Variants in SPATA6 observed in about 807,000 individuals in gnomAD.
SPATA6 encodes spermatogenesis-associated protein 6.
A neutral mutation model predicts 65.3 loss-of-function variants in SPATA6; 56 were observed. That is an observed-to-expected ratio of 0.86 (90% CI 0.69 to 1.07). The LOEUF is 1.07. SPATA6 is among the 50% of genes least tolerant of loss of function. The pLI, the probability that SPATA6 is intolerant of heterozygous loss-of-function variation, is 0.00. For missense variants in SPATA6, 590 were observed against 594.8 expected (o/e 0.99, Z 0.08); for synonymous variants, 199 against 213.2 (o/e 0.93, Z 0.58).
intron 8 of SPATA6, chr1:48,393,446 T>C (rs146627119): frequency 1.3e-5 from 2 of 152,244 alleles, no homozygotes; most frequent in African/African-American, 2.4e-5. Context: ...AACTAATCCA[T>C]ATTAAAGAAA....
intron 9 of SPATA6, among the ~76,000 whole-genome samples, chr1:48,370,740 A>AAG (rs1647215024): frequency 6.6e-6 from 1 of 152,184 alleles, no homozygotes. Context: ...AAGAAAATAA[A>AAG]AGCAAAATCA....
chr1:48,404,202 C>T (rs1459635224), intron 5 of SPATA6, among the ~76,000 whole-genome samples: 1 of 151,900 alleles, frequency 6.6e-6, no homozygotes, highest in Non-Finnish European at 1.5e-5. Context: ...AATATATAAA[C>T]ATACTTAATA....
At chr1:48,333,328 T>TG in intron 11 of SPATA6, among the ~76,000 whole-genome samples, 1 of 152,134 alleles carries the variant, frequency 6.6e-6, no homozygotes, top group East Asian at 1.9e-4. Flanking sequence ...TATACACCAG[T>TG]GGTTTGTCAT....
At chr1:48,369,763 C>T (rs879533574) in intron 9 of SPATA6, among the ~76,000 whole-genome samples, 8 of 152,224 alleles carry the variant, frequency 5.3e-5, no homozygotes, top group Non-Finnish European at 1.2e-4. Flanking sequence ...CTTTGGCTTG[C>T]GCATGGTGCA....
At chr1:48,280,431 G>C in the SPATA6 span, among the ~76,000 whole-genome samples, 1 of 152,062 alleles carries the variant, frequency 6.6e-6, no homozygotes, top group South Asian at 2.1e-4. Context: ...TAGATAGACT[G>C]CTAGCAAGAC....
intron 9 of SPATA6, among the ~76,000 whole-genome samples, chr1:48,362,728 C>T (rs188232665): frequency 5.1e-4 from 77 of 151,750 alleles, no homozygotes; most frequent in African/African-American, 1.8e-3. Context: ...GAGGTAGAAT[C>T]GAAATCAAAG....
intron 11 of SPATA6, among the ~76,000 whole-genome samples, chr1:48,338,084 T>G (rs909729264): frequency 6.6e-6 from 1 of 151,866 alleles, no homozygotes; most frequent in Admixed American, 6.6e-5. Context: ...CTATAGTAAA[T>G]TGAAAAACTA....
intron 5 of SPATA6, among the ~76,000 whole-genome samples, chr1:48,410,709 T>A (rs781713180): frequency 2.1e-4 from 32 of 152,134 alleles, no homozygotes; most frequent in Non-Finnish European, 3.2e-4. Context: ...AGAGAAAATG[T>A]GTGTGCAGCA....
intron 11 of SPATA6, chr1:48,325,759 C>A: frequency 2.1e-6 from 1 of 484,604 alleles, no homozygotes; most frequent in Non-Finnish European, 4.0e-6. Flanking sequence ...AGGTGTATGC[C>A]CCTGTGGATG....
chr1:48,280,552 C>A, the SPATA6 span, among the ~76,000 whole-genome samples: 1 of 152,166 alleles, frequency 6.6e-6, no homozygotes, highest in Non-Finnish European at 1.5e-5. Flanking sequence ...ATACTACAAA[C>A]ACCTCTACAC....
chr1:48,281,704 A>G, the SPATA6 span, among the ~76,000 whole-genome samples: 5 of 152,084 alleles, frequency 3.3e-5, no homozygotes, highest in Admixed American at 1.3e-4. Flanking sequence ...CAAATGGAAG[A>G]ACATTCCATG....
intron 3 of SPATA6, among the ~76,000 whole-genome samples, chr1:48,416,076 A>AC (rs1652754602): frequency 6.6e-6 from 1 of 151,946 alleles, no homozygotes; most frequent in Middle Eastern, 3.2e-3. Flanking sequence ...GGTGGCACGC[A>AC]CCTCTAGTCC....
chr1:48,368,775 G>A (rs565125687), intron 9 of SPATA6, among the ~76,000 whole-genome samples: 2 of 152,210 alleles, frequency 1.3e-5, no homozygotes, highest in East Asian at 1.9e-4. Context: ...TTGATCGTCC[G>A]AAGACTTCTT....
At chr1:48,376,880 A>T (rs1647978506) in intron 9 of SPATA6, among the ~76,000 whole-genome samples, 1 of 152,192 alleles carries the variant, frequency 6.6e-6, no homozygotes, top group African/African-American at 2.4e-5. Context: ...AATGATAAGG[A>T]TTTGTATATC....
intron 11 of SPATA6, among the ~76,000 whole-genome samples, chr1:48,315,949 G>T (rs1273699037): frequency 6.6e-6 from 1 of 152,132 alleles, no homozygotes; most frequent in Non-Finnish European, 1.5e-5. Context: ...GCTTCAAAGA[G>T]AATAAAATAC....
chr1:48,293,909 G>T (rs902978482), downstream of SPATA6, among the ~76,000 whole-genome samples: 1 of 152,124 alleles, frequency 6.6e-6, no homozygotes, highest in Non-Finnish European at 1.5e-5. Context: ...GGAATATTTT[G>T]CGAATGGGTG....
rs771542443 is a variant in SPATA6 at position 48,472,002 on chromosome 1, T to TCCGTGAAGGTGCGGGGTGGGG, written c.6_7insCCCCACCCCGCACCTTCACGG (p.Pro2_Lys3insProHisProAlaProSerArg). 23 of 1,570,550 alleles carry TCCGTGAAGGTGCGGGGTGGGG rather than the reference T, an allele frequency of 1.5e-5. No homozygotes were observed. The East Asian group carries it at 5.6e-4, about 38-fold the overall frequency. On this transcript the variant is annotated inframe_insertion, in exon 1 of 13. Coordinates refer to ENST00000371847, the MANE Select transcript of SPATA6 (RefSeq NM_019073.4). The stretch of plus-strand genomic sequence containing the variant: ...AGGGCGCACTGCAGCGCCTTCACCT[T>TCCGTGAAGGTGCGGGGTGGGG]CGGCATCCGTGCGGGGAGGGGCGGC...
At chr1:48,270,157 C>T in the SPATA6 span, among the ~76,000 whole-genome samples, 1 of 152,052 alleles carries the variant, frequency 6.6e-6, no homozygotes, top group African/African-American at 2.4e-5. Flanking sequence ...GAAGTGCATC[C>T]TAAGTCTTTA....
chr1:48,360,567 T>A (rs1646783434), intron 9 of SPATA6, among the ~76,000 whole-genome samples: 1 of 152,114 alleles, frequency 6.6e-6, no homozygotes, highest in South Asian at 2.1e-4. Context: ...ACATGCTTGA[T>A]ATTAGCAAGG....
Sources: allele counts gnomAD v4.1 joint callset (sites outside exome capture counted in the v4.1 genomes callset), GRCh38; gene constraint gnomAD v4.1.1; transcripts MANE v1.5; gene names NCBI Gene and HGNC (gene_info 2026-07-23, HGNC 2026-07-21).